The following KLRG1 variants were observed in gnomAD, a reference collection of about 807,000 sequenced individuals.
The protein encoded by KLRG1 is killer cell lectin-like receptor subfamily G member 1.
KLRG1 carries 16 observed loss-of-function variants against 21.8 expected under a neutral mutation model. The observed-to-expected ratio is 0.73, with a 90% CI of 0.50 to 1.11. The LOEUF is 1.11. KLRG1 is among the 50% of genes most tolerant of loss of function. The pLI, the probability that KLRG1 is intolerant of heterozygous loss-of-function variation, is 0.00. For missense variants in KLRG1, 173 were observed against 218.3 expected, an observed-to-expected ratio of 0.79 and a Z score of 1.31; for synonymous variants, 69 against 75.9, an observed-to-expected ratio of 0.91 and a Z score of 0.47.
the KLRG1 span, chr12:9,068,350 A>G: frequency 1.1e-6 from 1 of 930,786 alleles, no homozygotes; most frequent in Non-Finnish European, 1.6e-6. Context: ...TACCAGAAAC[A>G]TAAGCATCAT....
At chr12:9,164,184 A>C in the KLRG1 span, 1 of 1,610,202 alleles carries the variant, frequency 6.2e-7, no homozygotes, top group Non-Finnish European at 8.5e-7. Context: ...TCATTTCCAC[A>C]GATACAATAG....
chr12:9,045,460 CT>C, the KLRG1 span, among the ~76,000 whole-genome samples: 1 of 151,996 alleles, frequency 6.6e-6, no homozygotes, highest in African/African-American at 2.4e-5. Context: ...ATATAATAAT[CT>C]AGATTTCTAC....
At chr12:8,999,728 T>C (rs1357986044) in intron 3 of KLRG1, among the ~76,000 whole-genome samples, 1 of 152,212 alleles carries the variant, frequency 6.6e-6, no homozygotes, top group Non-Finnish European at 1.5e-5. Flanking sequence ...TTTCCTCATG[T>C]ACAAAGTGAA....
At chr12:9,170,463 GC>G in the KLRG1 span, among the ~76,000 whole-genome samples, 1 of 152,174 alleles carries the variant, frequency 6.6e-6, no homozygotes, top group African/African-American at 2.4e-5. The surrounding 1 kb of genome is among the most constrained non-coding windows in gnomAD (Gnocchi z 4.6). Flanking sequence ...TAGGAAGGGG[GC>G]TAAATTCAGA....
At chr12:9,020,736 A>G in the KLRG1 span, among the ~76,000 whole-genome samples, 1 of 152,214 alleles carries the variant, frequency 6.6e-6, no homozygotes, top group Non-Finnish European at 1.5e-5. Context: ...TTGGATACGA[A>G]TCTTTGAATG....
At chr12:9,085,240 A>G in the KLRG1 span, among the ~76,000 whole-genome samples, 2 of 152,138 alleles carry the variant, frequency 1.3e-5, no homozygotes, top group Non-Finnish European at 2.9e-5. Context: ...TCCAAGATAG[A>G]TCATATTTTA....
chr12:9,005,291 G>A (rs1056326278), intron 3 of KLRG1, among the ~76,000 whole-genome samples: 4 of 152,038 alleles, frequency 2.6e-5, no homozygotes, highest in South Asian at 2.1e-4. Flanking sequence ...ACCATGGCAC[G>A]TGTATACCTA....
At chr12:9,169,229 G>T in the KLRG1 span, among the ~76,000 whole-genome samples, 1 of 151,992 alleles carries the variant, frequency 6.6e-6, no homozygotes, top group African/African-American at 2.4e-5. Flanking sequence ...ATAGGCAGAG[G>T]TTAGATCTAG....
chr12:9,069,867 G>T, the KLRG1 span: 1 of 1,529,266 alleles, frequency 6.5e-7, no homozygotes, highest in Non-Finnish European at 9.0e-7. Context: ...ACCCCTGGGG[G>T]ATCCAGAGAA....
chr12:9,208,291 C>G, the KLRG1 span: 3 of 1,613,680 alleles, frequency 1.9e-6, no homozygotes, highest in Non-Finnish European at 2.5e-6. Flanking sequence ...TGGCAGAAAG[C>G]AGGATAAGAA....
At chr12:9,210,138 G>C in the KLRG1 span, among the ~76,000 whole-genome samples, 1 of 152,036 alleles carries the variant, frequency 6.6e-6, no homozygotes, top group Non-Finnish European at 1.5e-5. Flanking sequence ...TTGGTAAATT[G>C]CTCTTCAGAG....
At chr12:9,102,243 T>G in the KLRG1 span, among the ~76,000 whole-genome samples, 1 of 152,062 alleles carries the variant, frequency 6.6e-6, no homozygotes, top group African/African-American at 2.4e-5. Context: ...TGAGACAGGG[T>G]TTTGCTCTGG....
the KLRG1 span, among the ~76,000 whole-genome samples, chr12:9,131,756 A>C: frequency 6.6e-6 from 1 of 151,574 alleles, no homozygotes; most frequent in East Asian, 1.9e-4. Flanking sequence ...ATAAATATCA[A>C]TATAATTTAT....
the KLRG1 span, chr12:9,192,601 G>A: frequency 1.2e-6 from 2 of 1,614,200 alleles, no homozygotes; most frequent in Non-Finnish European, 1.7e-6. Flanking sequence ...TGGCCACAGG[G>A]CAGGGTACCA....
the KLRG1 span, chr12:9,127,969 G>A: frequency 1.1e-4 from 35 of 313,810 alleles, 1 homozygote; most frequent in South Asian, 9.8e-4. Flanking sequence ...ATTGACACCC[G>A]CCGCCTGGCT....
At chr12:9,112,705 T>C in the KLRG1 span, 3 of 654,142 alleles carry the variant, frequency 4.6e-6, no homozygotes, top group East Asian at 2.8e-5. Context: ...ATTTTACAAA[T>C]GGGGAGACAG....
the KLRG1 span, chr12:9,111,989 T>G: frequency 1.3e-6 from 1 of 785,626 alleles, no homozygotes; most frequent in Non-Finnish European, 2.3e-6. Context: ...ATTACCTACT[T>G]TCTTTACCTG....
At chr12:9,165,440 C>T in the KLRG1 span, 1 of 1,538,708 alleles carries the variant, frequency 6.5e-7, no homozygotes, top group Non-Finnish European at 8.9e-7. Context: ...AATTAATATG[C>T]ATAAAGCTAA....
the KLRG1 span, chr12:9,113,384 G>A: frequency 1.1e-5 from 18 of 1,613,502 alleles, no homozygotes; most frequent in East Asian, 1.1e-4. Context: ...AGTGGAGTAC[G>A]TCATTCTCCG....
Sources: allele counts gnomAD v4.1 joint callset (sites outside exome capture counted in the v4.1 genomes callset), GRCh38; gene constraint gnomAD v4.1.1; non-coding constraint Gnocchi (gnomAD v3.1); transcripts MANE v1.5; gene names NCBI Gene and HGNC (gene_info 2026-07-23, HGNC 2026-07-21).